The following PDE4D variants were observed in gnomAD, a reference collection of about 807,000 sequenced individuals.
PDE4D encodes the protein 3',5'-cyclic-AMP phosphodiesterase 4D.
PDE4D carries 24 observed loss-of-function variants against 87.4 expected under a neutral mutation model. That is an observed-to-expected ratio of 0.27 (90% confidence interval 0.20 to 0.39). PDE4D has a LOEUF of 0.39. Ranked by LOEUF, PDE4D falls within the 10% of genes least tolerant of loss-of-function variation. The probability of loss-of-function intolerance (pLI) is 1.00; values close to 1 mark genes in which losing one functional copy is unlikely to be tolerated. For missense variants in PDE4D, 714 were observed against 1,041.0 expected (o/e 0.69, Z 4.32); for synonymous variants, 384 against 383.2 (o/e 1.00, Z -0.02).
At chr5:59,307,891 G>T (rs955279293) in intron 1 of PDE4D, among the ~76,000 whole-genome samples, 2 of 151,886 alleles carry the variant, frequency 1.3e-5, no homozygotes, top group Non-Finnish European at 2.9e-5. Flanking sequence ...AAATCATGCT[G>T]CTATAAAGAC....
At chr5:60,028,460 T>C (rs941732146) in intron 2 of PDE4D, among the ~76,000 whole-genome samples, 1 of 152,208 alleles carries the variant, frequency 6.6e-6, no homozygotes, top group Admixed American at 6.5e-5. Context: ...CCTAAACTAT[T>C]GTGAAATTTT....
chr5:59,604,973 T>C (rs896562867), intron 1 of PDE4D, among the ~76,000 whole-genome samples: 4 of 151,960 alleles, frequency 2.6e-5, no homozygotes, highest in African/African-American at 9.7e-5. Flanking sequence ...CACATTCATT[T>C]TGGCACTGTT....
intron 1 of PDE4D, among the ~76,000 whole-genome samples, chr5:60,520,798 G>A (rs962675274): frequency 6.6e-6 from 1 of 152,192 alleles, no homozygotes; most frequent in Non-Finnish European, 1.5e-5. Flanking sequence ...GGAAAGTCTG[G>A]TTATGTGCAT....
At chr5:59,471,380 G>A (rs1802419522) in intron 1 of PDE4D, among the ~76,000 whole-genome samples, 1 of 152,230 alleles carries the variant, frequency 6.6e-6, no homozygotes, top group African/African-American at 2.4e-5. Flanking sequence ...TGAGAAGACT[G>A]TGAAGATTAA....
chr5:59,501,746 A>G (rs10514862), intron 1 of PDE4D, among the ~76,000 whole-genome samples: 36,615 of 152,020 alleles, frequency 0.24, 5,838 homozygotes, highest in African/African-American at 0.46. Flanking sequence ...CTGATTGGAG[A>G]CACTACCTAA....
At chr5:59,001,029 G>A (rs10940638) in intron 6 of PDE4D, among the ~76,000 whole-genome samples, 15,700 of 152,130 alleles carry the variant, frequency 0.1, 1,283 homozygotes, top group East Asian at 0.47. Context: ...AGTTAAGAAA[G>A]GAATGAGTGG....
intron 5 of PDE4D, among the ~76,000 whole-genome samples, chr5:59,128,529 GAGT>G (rs375640491): frequency 1.2e-3 from 179 of 152,226 alleles, no homozygotes; most frequent in African/African-American, 4.1e-3. Flanking sequence ...ATTTACAGTG[GAGT>G]GTATTATGGT....
intron 1 of PDE4D, among the ~76,000 whole-genome samples, chr5:60,278,174 G>T (rs563179996): frequency 6.5e-4 from 99 of 152,026 alleles, no homozygotes; most frequent in Admixed American, 1.6e-3. Flanking sequence ...CCTAAAGAGG[G>T]TGTTTTCACT....
intron 2 of PDE4D, among the ~76,000 whole-genome samples, chr5:60,048,332 G>A (rs1419346777): frequency 6.6e-6 from 1 of 152,180 alleles, no homozygotes; most frequent in Non-Finnish European, 1.5e-5. Flanking sequence ...TTGCCAGTCT[G>A]TGTCTTTTAA....
intron 1 of PDE4D, among the ~76,000 whole-genome samples, chr5:59,689,180 A>C (rs993448759): frequency 7.2e-5 from 11 of 152,216 alleles, no homozygotes; most frequent in African/African-American, 2.7e-4. Context: ...AAACTATTCC[A>C]ATCGATAGAA....
chr5:59,585,948 A>G (rs1825044243), intron 1 of PDE4D, among the ~76,000 whole-genome samples: 1 of 152,252 alleles, frequency 6.6e-6, no homozygotes, highest in Non-Finnish European at 1.5e-5. Context: ...AAATTGATAT[A>G]TCAGAAATTC....
At chr5:58,998,647 G>C (rs1297866196) in intron 6 of PDE4D, among the ~76,000 whole-genome samples, 1 of 152,060 alleles carries the variant, frequency 6.6e-6, no homozygotes, top group Non-Finnish European at 1.5e-5. Context: ...CAAAAAGAAA[G>C]AAACAAAGCA....
At chr5:59,198,234 T>C (rs1468891633) in intron 2 of PDE4D, among the ~76,000 whole-genome samples, 1 of 151,906 alleles carries the variant, frequency 6.6e-6, no homozygotes, top group Non-Finnish European at 1.5e-5. Context: ...AGAACTGGAG[T>C]GTTCATGGAG....
chr5:59,452,950 G>C (rs1234137405), intron 1 of PDE4D, among the ~76,000 whole-genome samples: 1 of 149,582 alleles, frequency 6.7e-6, no homozygotes, highest in African/African-American at 2.5e-5. Context: ...GCTTTGCAGA[G>C]ATGGCTTTTT....
intron 1 of PDE4D, among the ~76,000 whole-genome samples, chr5:59,830,502 T>G (rs1349542384): frequency 6.6e-6 from 1 of 152,096 alleles, no homozygotes; most frequent in Non-Finnish European, 1.5e-5. Flanking sequence ...CGTCTGCCAT[T>G]GTAGTCGGAG....
chr5:60,379,740 G>C (rs189745755), intron 1 of PDE4D, among the ~76,000 whole-genome samples: 3 of 152,270 alleles, frequency 2.0e-5, no homozygotes, highest in East Asian at 3.9e-4. Flanking sequence ...AATGAGATTA[G>C]AAAAAGACAC....
intron 2 of PDE4D, among the ~76,000 whole-genome samples, chr5:60,148,106 T>C (rs973245450): frequency 6.6e-6 from 1 of 152,180 alleles, no homozygotes; most frequent in East Asian, 1.9e-4. Flanking sequence ...CAATTCTCTA[T>C]GATGTATCTA....
At chr5:60,299,381 C>T (rs775786458) in intron 1 of PDE4D, among the ~76,000 whole-genome samples, 25 of 152,100 alleles carry the variant, frequency 1.6e-4, no homozygotes, top group Non-Finnish European at 3.5e-4. Context: ...AAGAACATAT[C>T]CTTCTTTTGT....
intron 3 of PDE4D, among the ~76,000 whole-genome samples, chr5:59,187,856 G>C (rs770824918): frequency 2.6e-5 from 4 of 151,734 alleles, no homozygotes; most frequent in Non-Finnish European, 5.9e-5. Context: ...AGTATGACAT[G>C]TATGCTATTG....
Sources: gnomAD v4.1 joint callset for allele counts (sites outside exome capture counted in the v4.1 genomes callset) on GRCh38, gnomAD v4.1.1 for gene constraint, MANE v1.5 for transcripts, NCBI Gene and HGNC (gene_info 2026-07-23, HGNC 2026-07-21) for gene names.